COMTD1: variants seen among roughly 807,000 people sequenced by gnomAD.
The protein encoded by COMTD1 is catechol O-methyltransferase domain-containing protein 1.
A neutral mutation model predicts 33.6 loss-of-function variants in COMTD1; 35 were observed. The ratio of observed to expected loss-of-function variants is 1.04; its 90% CI spans 0.80 to 1.38. The LOEUF is 1.38. Ranked by LOEUF, COMTD1 falls within the 40% of genes most tolerant of loss-of-function variation. The probability of loss-of-function intolerance (pLI) is 0.00; values close to 1 mark genes in which losing one functional copy is unlikely to be tolerated. For missense variants in COMTD1, 370 were observed against 363.4 expected, an observed-to-expected ratio of 1.02 and a Z score of -0.15; for synonymous variants, 160 against 176.8, an observed-to-expected ratio of 0.91 and a Z score of 0.75.
chr10:75,234,202 C>G lies in COMTD1; in HGVS notation c.660G>C (p.Leu220=). Residue 220 remains leucine, a synonymous_variant, in exon 7 of 7, where the codon CTG becomes CTC. Transcript: ENST00000372538. ...CCGCCACGTCCCCTTTCGGAGGTTGCAGCACCTTCCCGCGCCACAGGACCT... is the reference window on the plus strand; with the variant it reads ...CCGCCACGTCCCCTTTCGGAGGTTGGAGCACCTTCCCGCGCCACAGGACCT... ...VLRVLWRGKV[L]QPPKGDVAAE... is the part of the protein sequence containing the mutation. 6.2e-7 allele frequency: 1 copy of G among 1,612,644 alleles called. No individual in the cohort carries two copies. Among genetic ancestry groups the G allele is most frequent in the Non-Finnish European group, 8.5e-7 (1 of 1,179,934 alleles).
chr10:75,234,372 AGGGAGGTGTCTGGGC>A, intron 6 of COMTD1, 147 bp from the exon 7 acceptor site: 1 of 928,810 alleles, frequency 1.1e-6, no homozygotes, highest in Non-Finnish European at 1.5e-6. Context: ...GGGGTCTCGG[AGGGAGGTGTCTGGGC>A]GGGAGGCGGG....
chr10:75,233,884 A>G lies in COMTD1; in HGVS notation c.*189T>C. ...TGGCGCCAGGGAGGGGACGAATCTC[A>G]AGGCCCCTTTCACTGAAGGCAGGAG... On this transcript the variant is annotated 3_prime_UTR_variant, in exon 7 of 7. Coordinates refer to ENST00000372538, the MANE Select transcript of COMTD1 (RefSeq NM_144589.4). 2 of 1,408,528 alleles carry G rather than the reference A, an allele frequency of 1.4e-6. No individual in the cohort carries two copies. The highest frequency in any genetic ancestry group is 1.5e-5 in the South Asian group (1 of 68,126). The allele number at this position is 1,408,528 out of a possible 1,614,324, so 87.3% of individuals were successfully genotyped here.
In COMTD1 at chr10:75,234,040, C is replaced by T; in HGVS notation, c.*33G>A. ...GTCAATTCCTGGGGTTCCCAGGCAA[C>T]CCTCCCTCGAGCCCACTCACTAGGG... On this transcript the variant is annotated 3_prime_UTR_variant, in exon 7 of 7. Transcript: ENST00000372538. The T allele has an allele frequency of 6.2e-7, 1 of 1,613,726 alleles. No homozygotes were observed. The highest frequency in any genetic ancestry group is 8.5e-7 in the Non-Finnish European group (1 of 1,180,004).
chr10:75,234,753 G>T lies in COMTD1; in HGVS notation c.503-10C>A, dbSNP rs746316218. ...GCCGCCAGCAGCTCGTCTTGCGGGG[G>T]GAGGGAGGGCAGGTGCGGCTGAGTC... On this transcript the variant is annotated splice_polypyrimidine_tract_variant and intron_variant, in intron 5 of 6. Coordinates refer to ENST00000372538, the MANE Select transcript of COMTD1 (RefSeq NM_144589.4). 5 of 1,577,760 alleles carry T rather than the reference G, an allele frequency of 3.2e-6. No homozygotes were observed. In the South Asian group the frequency reaches 4.6e-5, roughly 15 times the overall value.
intron 2 of COMTD1, 32 bp from the exon 3 acceptor site, chr10:75,235,404 G>A (rs1842176978): frequency 1.4e-6 from 2 of 1,473,906 alleles, no homozygotes; most frequent in Non-Finnish European, 9.1e-7. Flanking sequence ...CACCAGCCAT[G>A]CAGGTCACCC....
rs1285045678 is a variant in COMTD1, at chr10:75,235,154, A to G, written c.353T>C (p.Leu118Pro). 22 of 1,404,356 alleles carry G rather than the reference A, an allele frequency of 1.6e-5. No homozygotes were observed. The highest frequency in any genetic ancestry group is 2.0e-5 in the Non-Finnish European group (22 of 1,086,274). The allele number at this position is 1,404,356 out of a possible 1,614,324, so 87.0% of individuals were successfully genotyped here. ...DLGTFTGYSA[L>P]ALALALPADG... ...CGCGGGCAGCGCCAGGGCCAGGGCC[A>G]GGGCGGAGTAGCCCGTGAAGGTGCC... The change falls in exon 4 of 7, where the codon CTG becomes CCG. Residue 118 changes from leucine (L) to proline (P), a missense_variant. By Grantham distance (98) the Leu-to-Pro change is moderately conservative. Coordinates refer to ENST00000372538, the MANE Select transcript of COMTD1 (RefSeq NM_144589.4).
chr10:75,234,503 T>G, intron 6 of COMTD1, 107 bp downstream of exon 6: 1 of 1,439,724 alleles, frequency 6.9e-7, no homozygotes, highest in Non-Finnish European at 9.2e-7. Context: ...GGGTGTAGCC[T>G]ACGTGACTGG....
intron 4 of COMTD1, 30 bp from the exon 5 acceptor site, chr10:75,235,022 C>G (rs1192991151): frequency 6.7e-7 from 1 of 1,490,702 alleles, no homozygotes; most frequent in African/African-American, 1.5e-5. Flanking sequence ...GCCGTTGCGC[C>G]CCCGCCTGGG....
intron 2 of COMTD1, 35 bp downstream of exon 2, chr10:75,235,581 G>T: frequency 6.4e-7 from 1 of 1,555,918 alleles, no homozygotes; most frequent in South Asian, 1.2e-5. Flanking sequence ...CAGGGGTCGA[G>T]AGGGACGCCC....
chr10:75,234,138 C>A lies in COMTD1; in HGVS notation c.724G>T (p.Asp242Tyr). The A allele has an allele frequency of 6.2e-7, 1 of 1,613,836 alleles. No individual in the cohort carries two copies. Among genetic ancestry groups the A allele is most frequent in the African/African-American group, 1.3e-5 (1 of 75,060 alleles). Residue 242 changes from aspartate to tyrosine, a missense_variant, in exon 7 of 7, where the codon GAC becomes TAC. Coordinates refer to ENST00000372538, the MANE Select transcript of COMTD1 (RefSeq NM_144589.4). ...VRNLNERIRR[D>Y]VRVYISLLPL... ...AGGAGGCTGATGTAGACCCTGACGTCCCGCCGGATGCGTTCGTTTAGGTTT... is the reference window on the plus strand; with the variant it reads ...AGGAGGCTGATGTAGACCCTGACGTACCGCCGGATGCGTTCGTTTAGGTTT...
At position 75,235,132 on chromosome 10, in the gene COMTD1, G is replaced by A; in HGVS notation, c.375C>T (p.Pro125=). The change falls in exon 4 of 7, where the codon CCC becomes CCT. Residue 125 remains proline, a synonymous_variant. Coordinates refer to ENST00000372538, the MANE Select transcript of COMTD1 (RefSeq NM_144589.4). ...YSALALALAL[P]ADGRVVTCEV... ...CGCAGGTCACCACGCGCCCGTCCGC[G>A]GGCAGCGCCAGGGCCAGGGCCAGGG... The A allele has an allele frequency of 7.1e-7, 1 of 1,400,782 alleles. No individual in the cohort carries two copies. Among genetic ancestry groups the A allele is most frequent in the Non-Finnish European group, 9.2e-7 (1 of 1,084,496 alleles). 86.8% of individuals were successfully genotyped at this position (1,400,782 alleles called of 1,614,324 possible).
At position 75,234,028 on chromosome 10, in the gene COMTD1, G is replaced by A. The variant is rs757800250; in HGVS notation, c.*45C>T. 4 of 1,613,448 alleles carry A rather than the reference G, an allele frequency of 2.5e-6. No individual in the cohort carries two copies. Among genetic ancestry groups the A allele is most frequent in the South Asian group, 2.2e-5 (2 of 91,086 alleles). On this transcript the variant is annotated 3_prime_UTR_variant, in exon 7 of 7. Transcript: ENST00000372538. ...TTAAAACTCAGGGTCAATTCCTGGG[G>A]TTCCCAGGCAACCCTCCCTCGAGCC...
Position 75,235,821 on chromosome 10 carries a change from C to T in COMTD1, c.94+14G>A. 1 of 1,537,116 alleles carries T rather than the reference C, an allele frequency of 6.5e-7. No individual in the cohort carries two copies. The highest frequency in any genetic ancestry group is 2.5e-5 in the East Asian group (1 of 40,660). ...CGCCCGCCCACCCGCCCGCCGGGACCAGGTCCTGCTCACCCAGGAAGAGGC... is the reference window on the plus strand; with the variant it reads ...CGCCCGCCCACCCGCCCGCCGGGACTAGGTCCTGCTCACCCAGGAAGAGGC... On this transcript the variant is annotated intron_variant, in intron 1 of 6. Transcript: ENST00000372538.
Position 75,234,110 on chromosome 10 carries a change from G to A in COMTD1, c.752C>T (p.Pro251Leu). The A allele has an allele frequency of 6.2e-7, 1 of 1,613,970 alleles. No homozygotes were observed. Among genetic ancestry groups the A allele is most frequent in the East Asian group, 2.2e-5 (1 of 44,880 alleles). Reference sequence around the variant, plus strand: ...GGCCAAGGTGAGTCCATCGCCCAGGGGCAGGAGGCTGATGTAGACCCTGAC... The same window carrying A: ...GGCCAAGGTGAGTCCATCGCCCAGGAGCAGGAGGCTGATGTAGACCCTGAC... ...RDVRVYISLL[P>L]LGDGLTLAFK... is the part of the protein sequence containing the mutation. Residue 251 changes from proline to leucine, a missense_variant, in exon 7 of 7, where the codon CCC (proline) becomes CTC (leucine). Transcript: ENST00000372538.
In COMTD1 at chr10:75,233,924, C is replaced by T. The variant is rs1200456262; in HGVS notation, c.*149G>A. On this transcript the variant is annotated 3_prime_UTR_variant, in exon 7 of 7. Coordinates refer to ENST00000372538, the MANE Select transcript of COMTD1 (RefSeq NM_144589.4). ...GAAGGCAGGAGCTGTCTGTGCTGGGCCTTCCCTCCCTTCCCCATCCAGCGC... is the reference window on the plus strand; with the variant it reads ...GAAGGCAGGAGCTGTCTGTGCTGGGTCTTCCCTCCCTTCCCCATCCAGCGC... 2 of 1,518,880 alleles carry T rather than the reference C, an allele frequency of 1.3e-6. No individual in the cohort carries two copies. The highest frequency in any genetic ancestry group is 1.3e-5 in the South Asian group (1 of 78,666). The allele number at this position is 1,518,880 out of a possible 1,614,324, so 94.1% of individuals were successfully genotyped here. A position where few individuals can be genotyped will look rare whatever the true frequency, so the allele number is the denominator to read the frequency against.
chr10:75,234,479 C>G (rs1419941069), intron 6 of COMTD1, 131 bp downstream of exon 6: 20 of 1,343,178 alleles, frequency 1.5e-5, no homozygotes, highest in Non-Finnish European at 2.0e-5. Context: ...GTACCGGGGC[C>G]GGAGCCCCGG....
chr10:75,235,546 AG>A, intron 2 of COMTD1, 69 bp downstream of exon 2: 1 of 1,483,796 alleles, frequency 6.7e-7, no homozygotes, highest in Non-Finnish European at 9.0e-7. Context: ...GCCCAGCCCA[AG>A]GTCACACAGC....
At position 75,235,901 on chromosome 10, in the gene COMTD1, C is replaced by G. The variant is rs940698501; in HGVS notation, c.28G>C (p.Val10Leu). 2.0e-6 allele frequency: 3 copies of G among 1,483,948 alleles called. No individual in the cohort carries two copies. Among genetic ancestry groups the G allele is most frequent in the Non-Finnish European group, 2.7e-6 (3 of 1,126,084 alleles). The allele number at this position is 1,483,948 out of a possible 1,614,324, so 91.9% of individuals were successfully genotyped here. MTQPVPRLS[V>L]PAALALGSAA... is the part of the protein sequence containing the mutation. ...GAGCCCAGGGCCAGCGCGGCGGGCACGGAGAGCCGGGGCACCGGCTGGGTC... is the reference window on the plus strand; with the variant it reads ...GAGCCCAGGGCCAGCGCGGCGGGCAGGGAGAGCCGGGGCACCGGCTGGGTC... Residue 10 changes from valine (V) to leucine (L), a missense_variant, in exon 1 of 7, where the codon GTG (valine) becomes CTG (leucine). Val to Leu is a conservative substitution (Grantham distance 32). Transcript: ENST00000372538.
At position 75,235,748 on chromosome 10, in the gene COMTD1, C is replaced by A. The variant is rs764148858; in HGVS notation, c.95-5G>T. On this transcript the variant is annotated splice_polypyrimidine_tract_variant and splice_region_variant and intron_variant, in intron 1 of 6. Transcript: ENST00000372538. Reference sequence around the variant, plus strand: ...GCCATGGGGGGCACCGCCTCCCTGACGGGGAGAGGGTGTTGGATTAACCTG... The same window carrying A: ...GCCATGGGGGGCACCGCCTCCCTGAAGGGGAGAGGGTGTTGGATTAACCTG... 2.5e-6 allele frequency: 4 copies of A among 1,597,526 alleles called. No individual in the cohort carries two copies. The highest frequency in any genetic ancestry group is 1.1e-5 in the South Asian group (1 of 88,658).
Sources: gnomAD v4.1 joint callset for allele counts on GRCh38, gnomAD v4.1.1 for gene constraint, MANE v1.5 for transcripts, NCBI Gene and HGNC (gene_info 2026-07-23, HGNC 2026-07-21) for gene names.